Variants in SKIC8 observed in about 807,000 individuals in gnomAD.
SKIC8 encodes superkiller complex protein 8.
At chr15:78,298,097 GAC>G in the SKIC8 span, among the ~76,000 whole-genome samples, 1 of 152,088 alleles carries the variant, frequency 6.6e-6, no homozygotes, top group East Asian at 1.9e-4. Context: ...GGGTAGGAAA[GAC>G]AGGAAAGTGC....
chr15:78,295,700 G>C, the SKIC8 span: 210 of 1,550,072 alleles, frequency 1.4e-4, 1 homozygote, highest in Non-Finnish European at 1.7e-4. Flanking sequence ...CTTAACCAAG[G>C]ATCAAGGACA....
At chr15:78,298,750 C>T in the SKIC8 span, among the ~76,000 whole-genome samples, 2 of 152,168 alleles carry the variant, frequency 1.3e-5, no homozygotes, top group Non-Finnish European at 2.9e-5. Flanking sequence ...GGGTCCTTCA[C>T]TATCCAAGAT....
the SKIC8 span, chr15:78,283,787 C>A: frequency 3.8e-6 from 1 of 264,516 alleles, no homozygotes; most frequent in Non-Finnish European, 7.1e-6. Flanking sequence ...TATCTACAAC[C>A]CTTTCAAAGA....
chr15:78,295,546 G>A, the SKIC8 span: 2 of 1,247,780 alleles, frequency 1.6e-6, no homozygotes, highest in Non-Finnish European at 2.3e-6. Context: ...GGTACCCAGG[G>A]TCACCCAGCT....
the SKIC8 span, chr15:78,295,284 T>C: frequency 1.5e-4 from 83 of 557,004 alleles, 1 homozygote; most frequent in East Asian, 2.2e-3. Flanking sequence ...AAAGTCCAGT[T>C]TGTAGCTTAA....
At chr15:78,292,196 T>C in the SKIC8 span, 1 of 177,712 alleles carries the variant, frequency 5.6e-6, no homozygotes. Flanking sequence ...CGTAAGGCAG[T>C]GAATGAATCA....
At chr15:78,293,460 C>T in the SKIC8 span, 2 of 547,318 alleles carry the variant, frequency 3.7e-6, no homozygotes, top group Non-Finnish European at 6.4e-6. Context: ...GAAGAAGCTA[C>T]TTGCCCTAAA....
At chr15:78,295,808 T>C in the SKIC8 span, 40 of 1,169,006 alleles carry the variant, frequency 3.4e-5, no homozygotes, top group Non-Finnish European at 4.4e-5. Context: ...ACCAAGAAAA[T>C]AAGGCAACTC....
At chr15:78,294,068 T>C in the SKIC8 span, among the ~76,000 whole-genome samples, 1 of 152,198 alleles carries the variant, frequency 6.6e-6, no homozygotes, top group Non-Finnish European at 1.5e-5. Flanking sequence ...TTAAAACAGC[T>C]GTGCACCACA....
chr15:78,295,654 T>C, the SKIC8 span: 4 of 1,607,622 alleles, frequency 2.5e-6, no homozygotes, highest in Non-Finnish European at 3.4e-6. Flanking sequence ...TTGATGTTTT[T>C]CCCTTCAACA....
At chr15:78,285,017 A>G in the SKIC8 span, 3 of 494,716 alleles carry the variant, frequency 6.1e-6, 1 homozygote, top group South Asian at 6.6e-5. Flanking sequence ...GGCTAACACC[A>G]TGTTTTCCAG....
chr15:78,297,467 A>C, the SKIC8 span, among the ~76,000 whole-genome samples: 1 of 152,120 alleles, frequency 6.6e-6, no homozygotes, highest in East Asian at 1.9e-4. Context: ...TGTATGCTAA[A>C]ATTTTATCAA....
At chr15:78,283,892 C>T in the SKIC8 span, 1 of 162,094 alleles carries the variant, frequency 6.2e-6, no homozygotes, top group African/African-American at 2.4e-5. Flanking sequence ...CACAACTACC[C>T]CGAGGTCACT....
the SKIC8 span, chr15:78,285,594 G>A: frequency 1.8e-6 from 1 of 550,324 alleles, no homozygotes; most frequent in Non-Finnish European, 3.3e-6. Context: ...TTCCAGATGG[G>A]AGGGAGGCCT....
chr15:78,284,677 G>A, the SKIC8 span: 1 of 152,400 alleles, frequency 6.6e-6, no homozygotes, highest in Admixed American at 6.5e-5. Flanking sequence ...CAGCAGTATT[G>A]CACTAGAACA....
chr15:78,288,240 G>T, the SKIC8 span: 1 of 1,590,680 alleles, frequency 6.3e-7, no homozygotes, highest in Admixed American at 1.7e-5. Flanking sequence ...AACAATAAAG[G>T]GACAAGATGG....
the SKIC8 span, among the ~76,000 whole-genome samples, chr15:78,291,424 T>C: frequency 6.6e-6 from 1 of 152,132 alleles, no homozygotes; most frequent in African/African-American, 2.4e-5. Context: ...CTGTAAGTAA[T>C]GTAAGCAGGG....
At chr15:78,292,769 G>A in the SKIC8 span, 1 of 1,613,748 alleles carries the variant, frequency 6.2e-7, no homozygotes, top group African/African-American at 1.3e-5. Context: ...CTCCACTGTA[G>A]GTCCAGCCTC....
the SKIC8 span, chr15:78,295,054 G>A: frequency 1.8e-5 from 28 of 1,518,136 alleles, no homozygotes; most frequent in African/African-American, 3.3e-4. Context: ...ACTCCTCCCC[G>A]AGTAGACAGA....
Sources: allele counts gnomAD v4.1 joint callset (sites outside exome capture counted in the v4.1 genomes callset), GRCh38; gene constraint gnomAD v4.1.1; transcripts MANE v1.5; gene names NCBI Gene and HGNC (gene_info 2026-07-23, HGNC 2026-07-21).